SERBP1: variants seen among roughly 807,000 people sequenced by gnomAD.
The protein encoded by SERBP1 is SERPINE1 mRNA binding protein 1, also known as SERPINE1 mRNA-binding protein 1.
Under a neutral mutation model 50.2 loss-of-function variants are expected in SERBP1, and 6 were observed. The observed-to-expected ratio is 0.12, with a 90% CI of 0.07 to 0.24. The LOEUF (loss-of-function observed/expected upper bound fraction) is 0.24. Ranked by LOEUF, SERBP1 falls within the 10% of genes least tolerant of loss-of-function variation. The probability of loss-of-function intolerance (pLI) is 1.00; values close to 1 mark genes in which losing one functional copy is unlikely to be tolerated. For synonymous variants in SERBP1, 168 were observed against 182.8 expected (o/e 0.92, Z 0.65); for missense variants, 346 against 524.9 (o/e 0.66, Z 3.33).
intron 4 of SERBP1, 37 bp downstream of exon 4, chr1:67,424,851 T>G (rs760491705): frequency 1.9e-5 from 28 of 1,502,884 alleles, no homozygotes; most frequent in Non-Finnish European, 2.4e-5. Context: ...TAACCTCTAG[T>G]TAGGTATAGA....
At chr1:67,423,966 T>G (rs999155550) in intron 5 of SERBP1, among the ~76,000 whole-genome samples, 2 of 152,212 alleles carry the variant, frequency 1.3e-5, no homozygotes, top group Non-Finnish European at 2.9e-5. Context: ...GAGGAACGCT[T>G]GAGCCCAGGA....
intron 5 of SERBP1, chr1:67,420,624 G>A (rs1256328737): frequency 6.5e-6 from 1 of 153,032 alleles, no homozygotes. Flanking sequence ...CCTCTAGGAT[G>A]TCTGTCAGCA....
rs1323101609 is a variant in SERBP1, at chr1:67,430,125, G to A, written c.176C>T (p.Ala59Val). ...PGAKSAAQAA[A>V]QTNSNAAGKQ... ...GCCTGCCGCGTTGGAGTTGGTCTGG[G>A]CCGCGGCCTGAGCTGCGCTCTTGGC... Residue 59 changes from alanine to valine, a missense_variant, in exon 1 of 8, where the codon GCC becomes GTC. Around this residue, in one of 5 missense-constraint regions of SERBP1, gnomAD observed 257 missense variants for 331.2 expected, o/e 0.78. Transcript: ENST00000361219. 3.7e-6 allele frequency: 6 copies of A among 1,611,870 alleles called. No homozygotes were observed. The highest frequency in any genetic ancestry group is 4.2e-6 in the Non-Finnish European group (5 of 1,179,800).
chr1:67,426,052 C>G, intron 2 of SERBP1, 83 bp downstream of exon 2: 1 of 1,158,552 alleles, frequency 8.6e-7, no homozygotes, highest in Non-Finnish European at 1.2e-6. Context: ...GAAGCAGAGG[C>G]TGCAGTGAGC....
At position 67,410,668 on chromosome 1, in the gene SERBP1, C is replaced by T. The variant is rs1369313498; in HGVS notation, c.*2539G>A. 1.3e-5 allele frequency: 2 copies of T among 152,156 alleles called. No individual in the cohort carries two copies. Among genetic ancestry groups the T allele is most frequent in the Non-Finnish European group, 2.9e-5 (2 of 68,008 alleles). The allele number at this position is 152,156 out of a possible 1,614,324, so 9.4% of individuals were successfully genotyped here. A position where few individuals can be genotyped will look rare whatever the true frequency, so the allele number is the denominator to read the frequency against. On this transcript the variant is annotated 3_prime_UTR_variant, in exon 8 of 8. Coordinates refer to ENST00000361219, the MANE Select transcript of SERBP1 (RefSeq NM_001018069.2). ...AAGTTCACTGAAACATCAGCTGCCA[C>T]CATTACTTTAGGAATCTTTATCTGT...
chr1:67,420,538 A>G (rs572700357), intron 5 of SERBP1: 2 of 172,048 alleles, frequency 1.2e-5, no homozygotes, highest in East Asian at 3.3e-4. Context: ...TCCTCAGCCT[A>G]TCTTCTCCTA....
intron 1 of SERBP1, among the ~76,000 whole-genome samples, chr1:67,426,788 G>A (rs971697825): frequency 6.6e-5 from 10 of 151,844 alleles, no homozygotes; most frequent in East Asian, 1.9e-4. Context: ...AGTGAGGGCC[G>A]CACTATGTTA....
At position 67,415,160 on chromosome 1, in the gene SERBP1, A is replaced by G. The variant is rs759959518; in HGVS notation, c.1125+6T>C. Reference sequence around the variant, plus strand: ...TATGTAAAAGGAAAAGAAAGTCTTAAATTACCTTGTCGGTCCTGCTGCCAC... The same window carrying G: ...TATGTAAAAGGAAAAGAAAGTCTTAGATTACCTTGTCGGTCCTGCTGCCAC... On this transcript the variant is annotated splice_donor_region_variant and intron_variant, in intron 7 of 7. Transcript: ENST00000361219. 2 of 1,567,734 alleles carry G rather than the reference A, an allele frequency of 1.3e-6. No individual in the cohort carries two copies. The highest frequency in any genetic ancestry group is 1.2e-5 in the South Asian group (1 of 83,648).
At chr1:67,429,616 T>C (rs933260776) in intron 1 of SERBP1, 7 of 185,492 alleles carry the variant, frequency 3.8e-5, no homozygotes, top group Middle Eastern at 2.1e-3. Context: ...TACGGAAAGC[T>C]TCGGTGAGGG....
chr1:67,413,325 A>G (rs1666899051), intron 7 of SERBP1, 62 bp from the exon 8 acceptor site: 2 of 1,396,764 alleles, frequency 1.4e-6, no homozygotes, highest in African/African-American at 1.5e-5. Context: ...ATTGTTAGCT[A>G]GTGTCTACAT....
chr1:67,418,566 C>A (rs1394984224), intron 6 of SERBP1, among the ~76,000 whole-genome samples: 1 of 151,954 alleles, frequency 6.6e-6, no homozygotes, highest in Non-Finnish European at 1.5e-5. Context: ...TGAGACCAGC[C>A]TGGCCAACAT....
In SERBP1 at chr1:67,409,038, C is replaced by A. The variant is rs1248524203; in HGVS notation, c.*4169G>T. Reference sequence around the variant, plus strand: ...TTGGCTCACTGCAACCCCCACCTCCCGGGTTCAAGTGATTCTTGGGTGTGG... The same window carrying A: ...TTGGCTCACTGCAACCCCCACCTCCAGGGTTCAAGTGATTCTTGGGTGTGG... On this transcript the variant is annotated 3_prime_UTR_variant, in exon 8 of 8. Transcript: ENST00000361219. 6.6e-6 allele frequency: 1 copy of A among 152,056 alleles called. No individual in the cohort carries two copies. The highest frequency in any genetic ancestry group is 2.4e-5 in the African/African-American group (1 of 41,362). 9.4% of individuals were successfully genotyped at this position (152,056 alleles called of 1,614,324 possible).
At chr1:67,422,510 C>CAA (rs983365701) in intron 5 of SERBP1, among the ~76,000 whole-genome samples, 6 of 136,818 alleles carry the variant, frequency 4.4e-5, no homozygotes, top group African/African-American at 1.6e-4. Flanking sequence ...AACTCCATCT[C>CAA]AAAAAAAAAA....
rs546360988 is a variant in SERBP1, at chr1:67,407,989, C to A, written c.*5218G>T. On this transcript the variant is annotated 3_prime_UTR_variant, in exon 8 of 8. Transcript: ENST00000361219. ...TCTTTAAATTAGAGATCTTTTTGGT[C>A]CTAAAATCTAGAACTGAATCAGCTA... The A allele has an allele frequency of 6.6e-6, 1 of 152,210 alleles. No individual in the cohort carries two copies. Among genetic ancestry groups the A allele is most frequent in the African/African-American group, 2.4e-5 (1 of 41,536 alleles). 9.4% of individuals were successfully genotyped at this position (152,210 alleles called of 1,614,324 possible). A position where few individuals can be genotyped will look rare whatever the true frequency, so the allele number is the denominator to read the frequency against.
Position 67,419,755 on chromosome 1 carries a change from T to C in SERBP1, c.951+254A>G. The C allele has an allele frequency of 1.1e-5, 5 of 456,322 alleles. 1 individual carries two copies. In the South Asian group the frequency reaches 1.2e-4, roughly 11 times the overall value. The allele number at this position is 456,322 out of a possible 1,614,324, so 28.3% of individuals were successfully genotyped here. On this transcript the variant is annotated intron_variant, in intron 6 of 7. Coordinates refer to ENST00000361219, the MANE Select transcript of SERBP1 (RefSeq NM_001018069.2). ...TTTCTGAACACCAATAACTACAAGA[T>C]ACTCCACTAACAGCTTTTTAGGAAA...
Position 67,424,266 on chromosome 1 carries a change from T to C in SERBP1, c.707A>G (p.Gln236Arg). 1 of 1,612,098 alleles carries C rather than the reference T, an allele frequency of 6.2e-7. No individual in the cohort carries two copies. The highest frequency in any genetic ancestry group is 8.5e-7 in the Non-Finnish European group (1 of 1,178,794). The change falls in exon 5 of 8, where the codon CAA becomes CGA. Residue 236 changes from glutamine to arginine, a missense_variant. Physicochemically the swap from Gln to Arg is conservative, Grantham distance 43. Around this residue, in one of 5 missense-constraint regions of SERBP1, gnomAD observed 257 missense variants for 331.2 expected, o/e 0.78. Coordinates refer to ENST00000361219, the MANE Select transcript of SERBP1 (RefSeq NM_001018069.2). Reference protein sequence around the residue: ...TVKDELTDLDQSNVTEETPEG... With the variant: ...TVKDELTDLDRSNVTEETPEG... ...AGGTGTTTCCTCAGTCACATTTGAT[T>C]GATCCAAGTCACTGTAATTATAAGA...
chr1:67,424,404 T>C (rs1570300427), intron 4 of SERBP1, 127 bp from the exon 5 acceptor site: 1 of 1,215,218 alleles, frequency 8.2e-7, no homozygotes. Context: ...TACCATAAGC[T>C]CTCACATTCT....
At chr1:67,421,143 C>A (rs999407595) in intron 5 of SERBP1, among the ~76,000 whole-genome samples, 9 of 150,802 alleles carry the variant, frequency 6.0e-5, no homozygotes, top group Admixed American at 3.3e-4. Context: ...AAAAAAAAAA[C>A]AAAAAACTTC....
rs1265816810 is a variant in SERBP1 at position 67,412,003 on chromosome 1, C to T, written c.*1204G>A. On this transcript the variant is annotated 3_prime_UTR_variant, in exon 8 of 8. Coordinates refer to ENST00000361219, the MANE Select transcript of SERBP1 (RefSeq NM_001018069.2). ...TTTCTGTGGAATACTCAACTTACAA[C>T]CAAATAATAGCAATCTAGGAAATTT... 4 of 152,572 alleles carry T rather than the reference C, an allele frequency of 2.6e-5. No homozygotes were observed. The highest frequency in any genetic ancestry group is 2.1e-4 in the South Asian group (1 of 4,828). The allele number at this position is 152,572 out of a possible 1,614,324, so 9.5% of individuals were successfully genotyped here. A position where few individuals can be genotyped will look rare whatever the true frequency, so the allele number is the denominator to read the frequency against.
Sources: gnomAD v4.1 joint callset for allele counts (sites outside exome capture counted in the v4.1 genomes callset) on GRCh38, gnomAD v4.1.1 for gene constraint, gnomAD v4.1.1 regional missense constraint, MANE v1.5 for transcripts, NCBI Gene and HGNC (gene_info 2026-07-23, HGNC 2026-07-21) for gene names.